NAPA: variants seen among roughly 807,000 people sequenced by gnomAD.
The protein encoded by NAPA is alpha-soluble NSF attachment protein.
In NAPA, 18 loss-of-function variants were observed where a neutral mutation model predicts 48.0. The observed-to-expected ratio is 0.38, with a 90% CI of 0.26 to 0.56. NAPA has a LOEUF of 0.56. NAPA is among the 20% of genes least tolerant of loss of function. NAPA has a pLI of 0.77. For missense variants in NAPA, 315 were observed against 385.0 expected (o/e 0.82, Z 1.52); for synonymous variants, 152 against 149.9 (o/e 1.01, Z -0.10).
chr19:47,492,331 C>T lies in NAPA; in HGVS notation c.562-212G>A, dbSNP rs1968292992. ...GACCAAGATCAGGGTGTGATGGTGG[C>T]TGGGTGGGGGTGGAGGCTGTAGCCA... is the stretch of plus-strand genomic sequence containing the variant. On this transcript the variant is annotated intron_variant, in intron 7 of 10. Coordinates refer to ENST00000263354, the MANE Select transcript of NAPA (RefSeq NM_003827.4). 6 of 549,798 alleles carry T rather than the reference C, an allele frequency of 1.1e-5. No homozygotes were observed. In the East Asian group the frequency reaches 1.8e-4, roughly 17 times the overall value. The allele number at this position is 549,798 out of a possible 1,614,324, so 34.1% of individuals were successfully genotyped here. A position where few individuals can be genotyped will look rare whatever the true frequency, so the allele number is the denominator to read the frequency against.
intron 7 of NAPA, chr19:47,492,692 C>T (rs764855288): frequency 3.6e-5 from 22 of 614,580 alleles, no homozygotes; most frequent in Non-Finnish European, 6.7e-5. Flanking sequence ...GCCAGCCTCA[C>T]TCTGGGCCCC....
chr19:47,495,606 A>T lies in NAPA; in HGVS notation c.296-10T>A. 1 of 1,611,112 alleles carries T rather than the reference A, an allele frequency of 6.2e-7. No homozygotes were observed. The highest frequency in any genetic ancestry group is 8.5e-7 in the Non-Finnish European group (1 of 1,178,182). ...AAACAGTTAATGGCCTCTGGAGAGA[A>T]AGGGAGGTGGGAGGAGACATGAGAA... On this transcript the variant is annotated splice_polypyrimidine_tract_variant and intron_variant, in intron 3 of 10. Transcript: ENST00000263354.
chr19:47,495,339 T>C (rs776457237), intron 4 of NAPA: 88 of 615,216 alleles, frequency 1.4e-4, no homozygotes, highest in Non-Finnish European at 2.3e-4. Flanking sequence ...GCCTGTGGAG[T>C]GAGGGGGCCG....
Position 47,495,041 on chromosome 19 carries a change from C to T in NAPA, c.342+509G>A, listed in dbSNP as rs76645671. 3.1e-3 allele frequency: 486 copies of T among 154,770 alleles called. 1 individual carries two copies. The highest frequency in any genetic ancestry group is 0.011 in the African/African-American group (456 of 41,588). 9.6% of individuals were successfully genotyped at this position (154,770 alleles called of 1,614,324 possible). A position where few individuals can be genotyped will look rare whatever the true frequency, so the allele number is the denominator to read the frequency against. The stretch of plus-strand genomic sequence containing the variant: ...GTTTTGAGACAGGGTCTTGTTTTGT[C>T]GCCTACGCTGGAGTGCAGTGGTGTG... On this transcript the variant is annotated intron_variant, in intron 4 of 10. Transcript: ENST00000263354.
intron 4 of NAPA, among the ~76,000 whole-genome samples, chr19:47,494,735 CAAAAAAA>C (rs11462456): frequency 1.5e-4 from 10 of 67,204 alleles, no homozygotes; most frequent in African/African-American, 4.2e-4. Flanking sequence ...AACTCTGTCT[CAAAAAAA>C]AAAAAAAAAA....
Position 47,507,697 on chromosome 19 carries a change from C to T in NAPA, c.99-4195G>A, listed in dbSNP as rs151283839. ...CCCTGTAAGCCCACCTCCTGCACGG[C>T]TCTCGAGACCATGTGCCTTAATCAC... On this transcript the variant is annotated intron_variant, in intron 1 of 10. Coordinates refer to ENST00000263354, the MANE Select transcript of NAPA (RefSeq NM_003827.4). Among the ~76,000 whole-genome samples the T allele has an allele frequency of 5.4e-3, 826 of 152,340 alleles. 5 individuals carry two copies. Among genetic ancestry groups the T allele is most frequent in the Non-Finnish European group, 9.4e-3 (640 of 68,016 alleles).
chr19:47,491,630 T>A (rs1968269598), intron 8 of NAPA, among the ~76,000 whole-genome samples: 1 of 152,162 alleles, frequency 6.6e-6, no homozygotes. Flanking sequence ...GTCACAAAGA[T>A]CTGGAACACT....
intron 1 of NAPA, among the ~76,000 whole-genome samples, chr19:47,508,231 TC>T (rs1968731478): frequency 6.6e-6 from 1 of 152,144 alleles, no homozygotes; most frequent in South Asian, 2.1e-4. Context: ...TGGTGCAGGG[TC>T]CACCCTGGCA....
chr19:47,486,975 G>A (rs1968092116), downstream of NAPA, among the ~76,000 whole-genome samples: 1 of 152,184 alleles, frequency 6.6e-6, no homozygotes, highest in Non-Finnish European at 1.5e-5. Context: ...CCTGGGCACT[G>A]AGCCTCCTTC....
At chr19:47,488,570 T>G (rs1035582997) in intron 10 of NAPA, 181 bp from the exon 11 acceptor site, 1 of 458,458 alleles carries the variant, frequency 2.2e-6, no homozygotes, top group African/African-American at 2.0e-5. Context: ...CTGTCTTGAC[T>G]ATGCTGGGCA....
At chr19:47,505,236 T>A (rs1252722178) in intron 1 of NAPA, 3 of 152,196 alleles carry the variant, frequency 2.0e-5, no homozygotes, top group African/African-American at 7.2e-5. Context: ...AGTGTTTAGT[T>A]TATTTTTAAG....
intron 1 of NAPA, chr19:47,505,324 C>G (rs1440065798): frequency 6.6e-6 from 1 of 152,176 alleles, no homozygotes; most frequent in Non-Finnish European, 1.5e-5. Context: ...TGTCAACTGG[C>G]CCAACATTAT....
At chr19:47,511,818 G>C (rs1039754886) in intron 1 of NAPA, among the ~76,000 whole-genome samples, 1 of 152,192 alleles carries the variant, frequency 6.6e-6, no homozygotes, top group Non-Finnish European at 1.5e-5. Flanking sequence ...CTGAGTCAGA[G>C]CGAGCACTTA....
chr19:47,498,952 T>A (rs1968501871), intron 3 of NAPA, among the ~76,000 whole-genome samples: 1 of 152,176 alleles, frequency 6.6e-6, no homozygotes, highest in Admixed American at 6.5e-5. Flanking sequence ...CTTTCTTCCT[T>A]GAAAGATCTC....
downstream of NAPA, among the ~76,000 whole-genome samples, chr19:47,485,775 G>A (rs1414239205): frequency 6.6e-6 from 1 of 152,244 alleles, no homozygotes; most frequent in African/African-American, 2.4e-5. Context: ...GATGTGGAGA[G>A]TAGAAGTTCC....
rs140105704 is a variant in NAPA at position 47,489,717 on chromosome 19, G to A, written c.780C>T (p.Thr260=). 7.4e-6 allele frequency: 12 copies of A among 1,614,024 alleles called. No homozygotes were observed. The African/African-American group carries it at 8.0e-5, about 11-fold the overall frequency. ...CCCCATGCTGGCCACTCACCGACTC[G>A]GTGTAGCTGTCCACATTCTGCTCCT... ...AHEEQNVDSY[T]ESVKEYDSIS... is the part of the protein sequence containing the mutation. Residue 260 remains threonine (T), a synonymous_variant, in exon 10 of 11, where the codon ACC becomes ACT. Transcript: ENST00000263354.
At position 47,489,486 on chromosome 19, in the gene NAPA, T is replaced by C. The variant is rs1208573413; in HGVS notation, c.786+225A>G. ...CCTGAGGGGCCAAGGCCGAGCCTCCTGACCTCCCCAACCTCAGTGCCACCA... is the reference window on the plus strand; with the variant it reads ...CCTGAGGGGCCAAGGCCGAGCCTCCCGACCTCCCCAACCTCAGTGCCACCA... On this transcript the variant is annotated intron_variant, in intron 10 of 10. Coordinates refer to ENST00000263354, the MANE Select transcript of NAPA (RefSeq NM_003827.4). 1.7e-5 allele frequency: 10 copies of C among 595,406 alleles called. No individual in the cohort carries two copies. In the East Asian group the frequency reaches 2.2e-4, roughly 13 times the overall value. The allele number at this position is 595,406 out of a possible 1,614,324, so 36.9% of individuals were successfully genotyped here. A position where few individuals can be genotyped will look rare whatever the true frequency, so the allele number is the denominator to read the frequency against.
At position 47,503,349 on chromosome 19, in the gene NAPA, C is replaced by T. The variant is rs762496738; in HGVS notation, c.178+74G>A. Reference sequence around the variant, plus strand: ...GAAAGGGCCCTCAAGGCCAACCTCTCGGGCAGGCCTGTGTGAGTGGAAGCT... The same window carrying T: ...GAAAGGGCCCTCAAGGCCAACCTCTTGGGCAGGCCTGTGTGAGTGGAAGCT... On this transcript the variant is annotated intron_variant, in intron 2 of 10. Coordinates refer to ENST00000263354, the MANE Select transcript of NAPA (RefSeq NM_003827.4). 20 of 1,388,698 alleles carry T rather than the reference C, an allele frequency of 1.4e-5. No homozygotes were observed. In the Middle Eastern group the frequency reaches 5.5e-4, roughly 38 times the overall value. The allele number at this position is 1,388,698 out of a possible 1,614,324, so 86.0% of individuals were successfully genotyped here.
intron 4 of NAPA, chr19:47,495,259 G>T: frequency 2.2e-6 from 1 of 459,428 alleles, no homozygotes; most frequent in Non-Finnish European, 3.9e-6. Context: ...CTCCCAACAT[G>T]CCAGGATTAC....
Sources: allele counts gnomAD v4.1 joint callset (sites outside exome capture counted in the v4.1 genomes callset), GRCh38; gene constraint gnomAD v4.1.1; transcripts MANE v1.5; gene names NCBI Gene and HGNC (gene_info 2026-07-23, HGNC 2026-07-21).